The following DOCK2 variants were observed in gnomAD, a reference collection of about 807,000 sequenced individuals.
DOCK2 encodes dedicator of cytokinesis 2, also known as dedicator of cytokinesis protein 2.
A neutral mutation model predicts 248.9 loss-of-function variants in DOCK2; 87 were observed. That is an observed-to-expected ratio of 0.35 (90% CI 0.29 to 0.42). DOCK2 has a LOEUF of 0.42. Among genes scored for constraint, DOCK2 ranks in the 10% least tolerant of loss-of-function variants. The pLI, the probability that DOCK2 is intolerant of heterozygous loss-of-function variation, is 1.00. For synonymous variants in DOCK2, 805 were observed against 821.6 expected (o/e 0.98, Z 0.35); for missense variants, 1,747 against 2,300.2 (o/e 0.76, Z 4.92).
intron 25 of DOCK2, among the ~76,000 whole-genome samples, chr5:169,762,665 T>A (rs1388301635): frequency 6.6e-6 from 1 of 152,230 alleles, no homozygotes. Flanking sequence ...ATTCCTTCAC[T>A]CCTTTCTGTA....
At chr5:169,901,550 G>A (rs1773927292) in intron 27 of DOCK2, among the ~76,000 whole-genome samples, 1 of 152,160 alleles carries the variant, frequency 6.6e-6, no homozygotes, top group Non-Finnish European at 1.5e-5. Context: ...GTGGAAGCAG[G>A]ATGAACCAGT....
intron 44 of DOCK2, among the ~76,000 whole-genome samples, chr5:170,062,100 A>AGT (rs148650076): frequency 0.12 from 16,670 of 143,974 alleles, 1,090 homozygotes; most frequent in African/African-American, 0.19. Flanking sequence ...TATGTATATG[A>AGT]GTGTGTGTGT....
chr5:170,011,498 G>A (rs1015465135), intron 32 of DOCK2, among the ~76,000 whole-genome samples: 1 of 149,930 alleles, frequency 6.7e-6, no homozygotes. Context: ...CAAAAAAAAG[G>A]CATTGACTGC....
chr5:169,985,348 C>CGTGTGTGT (rs5873200), intron 28 of DOCK2, among the ~76,000 whole-genome samples: 1,485 of 136,836 alleles, frequency 0.011, 49 homozygotes, highest in Admixed American at 0.055. Flanking sequence ...CTAATCTGCT[C>CGTGTGTGT]GTGTGTGTGT....
chr5:170,054,328 G>C (rs546078436), intron 41 of DOCK2, among the ~76,000 whole-genome samples: 2 of 152,280 alleles, frequency 1.3e-5, no homozygotes, highest in South Asian at 4.1e-4. Context: ...AATAAAAGAC[G>C]TGGGTAAAGA....
intron 27 of DOCK2, among the ~76,000 whole-genome samples, chr5:169,843,908 A>G (rs530522913): frequency 2.0e-5 from 3 of 152,252 alleles, no homozygotes; most frequent in Non-Finnish European, 4.4e-5. Flanking sequence ...TTGCTGAATA[A>G]TAGTGCATTA....
At chr5:169,656,742 C>T (rs1043296041) in intron 2 of DOCK2, among the ~76,000 whole-genome samples, 3 of 152,168 alleles carry the variant, frequency 2.0e-5, no homozygotes, top group African/African-American at 7.2e-5. Flanking sequence ...TTTTTCTCTT[C>T]GTTGTATGCA....
intron 14 of DOCK2, 79 bp downstream of exon 14, chr5:169,702,506 C>T: frequency 6.3e-7 from 1 of 1,579,006 alleles, no homozygotes; most frequent in Non-Finnish European, 8.6e-7. Flanking sequence ...TTTCCTCTCC[C>T]TGATTCTGTT....
At chr5:169,849,961 T>G (rs1489182193) in intron 27 of DOCK2, among the ~76,000 whole-genome samples, 1 of 152,266 alleles carries the variant, frequency 6.6e-6, no homozygotes, top group Admixed American at 6.5e-5. Flanking sequence ...TACTGTCTAC[T>G]TTTATTTCCA....
chr5:170,000,564 G>A (rs1235442326), intron 30 of DOCK2: 1 of 152,178 alleles, frequency 6.6e-6, no homozygotes, highest in Admixed American at 6.5e-5. Context: ...GCCCTTTCTA[G>A]TTCTTACTGG....
At chr5:169,902,820 C>G (rs555612432) in intron 27 of DOCK2, among the ~76,000 whole-genome samples, 1 of 152,192 alleles carries the variant, frequency 6.6e-6, no homozygotes, top group East Asian at 1.9e-4. Flanking sequence ...AGGGGTGAGG[C>G]CAGGCGTGGT....
chr5:169,985,349 G>A (rs112660377), intron 28 of DOCK2, among the ~76,000 whole-genome samples: 1 of 1,290 alleles, frequency 7.8e-4, no homozygotes, highest in African/African-American at 3.0e-3. Flanking sequence ...TAATCTGCTC[G>A]TGTGTGTGTG....
chr5:169,665,441 T>C (rs1212445844), intron 2 of DOCK2, among the ~76,000 whole-genome samples: 1 of 69,822 alleles, frequency 1.4e-5, no homozygotes, highest in Admixed American at 1.2e-4. Flanking sequence ...TATACACATG[T>C]TTATATGTAT....
intron 27 of DOCK2, chr5:169,881,498 A>G: frequency 7.2e-7 from 1 of 1,384,444 alleles, no homozygotes; most frequent in Non-Finnish European, 1.0e-6. Flanking sequence ...CGTGGGCCAC[A>G]AACATTCAAC....
intron 27 of DOCK2, among the ~76,000 whole-genome samples, chr5:169,944,810 G>A (rs912337888): frequency 1.4e-4 from 21 of 152,174 alleles, no homozygotes; most frequent in Non-Finnish European, 2.5e-4. Context: ...AAAGCTGAAC[G>A]GTTTCTGACC....
intron 41 of DOCK2, among the ~76,000 whole-genome samples, chr5:170,053,125 T>A (rs1756976437): frequency 6.6e-6 from 1 of 152,240 alleles, no homozygotes; most frequent in African/African-American, 2.4e-5. Flanking sequence ...ACATTCAGCC[T>A]GTGGCATAAC....
intron 2 of DOCK2, among the ~76,000 whole-genome samples, chr5:169,662,856 C>T (rs186542227): frequency 6.6e-6 from 1 of 152,290 alleles, no homozygotes; most frequent in Non-Finnish European, 1.5e-5. Flanking sequence ...CATTCCTCCC[C>T]TGGCCCTTCC....
chr5:169,705,877 C>T (rs1761231071), intron 14 of DOCK2, among the ~76,000 whole-genome samples: 1 of 152,248 alleles, frequency 6.6e-6, no homozygotes, highest in Non-Finnish European at 1.5e-5. Flanking sequence ...CTCCAGGCTT[C>T]CTGATCCATA....
At chr5:169,761,427 G>A in intron 24 of DOCK2, 92 bp from the exon 25 acceptor site, 1 of 1,045,862 alleles carries the variant, frequency 9.6e-7, no homozygotes, top group South Asian at 1.5e-5. Flanking sequence ...GGGTTTCCCA[G>A]AGCTAGAGGT....
Sources: gnomAD v4.1 joint callset for allele counts (sites outside exome capture counted in the v4.1 genomes callset) on GRCh38, gnomAD v4.1.1 for gene constraint, MANE v1.5 for transcripts, NCBI Gene and HGNC (gene_info 2026-07-23, HGNC 2026-07-21) for gene names.